The following ARHGAP25 variants were observed in gnomAD, a reference collection of about 807,000 sequenced individuals.
The protein encoded by ARHGAP25 is Rho GTPase activating protein 25.
A neutral mutation model predicts 71.0 loss-of-function variants in ARHGAP25; 34 were observed. The observed-to-expected ratio is 0.48, with a 90% CI of 0.36 to 0.64. ARHGAP25 has a LOEUF of 0.64. Ranked by LOEUF, ARHGAP25 falls within the 30% of genes least tolerant of loss-of-function variation. ARHGAP25 has a pLI of 0.00. For synonymous variants in ARHGAP25, 282 were observed against 296.5 expected (o/e 0.95, Z 0.50); for missense variants, 706 against 805.1 (o/e 0.88, Z 1.49).
chr2:68,742,062 C>T (rs567455873), intron 1 of ARHGAP25, among the ~76,000 whole-genome samples: 1 of 152,338 alleles, frequency 6.6e-6, no homozygotes, highest in Non-Finnish European at 1.5e-5. Flanking sequence ...ACCATCTATT[C>T]TCCTTAAGCT....
At position 68,813,394 on chromosome 2, in the gene ARHGAP25, A is replaced by G. The variant is rs778188813; in HGVS notation, c.782A>G (p.Gln261Arg). ...TACGAAGGGTTCCTGCTCTGTGGGC[A>G]GCTCACGAATGCGGATGAGGCAAAG... ...SQYEGFLLCG[Q>R]LTNADEAKAQ... The change falls in exon 6 of 11, where the codon CAG becomes CGG. Residue 261 changes from glutamine (Q) to arginine (R), a missense_variant. By Grantham distance (43) the Gln-to-Arg change is conservative. Transcript: ENST00000409202. 1 of 1,613,208 alleles carries G rather than the reference A, an allele frequency of 6.2e-7. No homozygotes were observed. Among genetic ancestry groups the G allele is most frequent in the Non-Finnish European group, 8.5e-7 (1 of 1,179,776 alleles).
rs1675154112 is a variant in ARHGAP25 at position 68,735,294 on chromosome 2, T to A, written c.61+34T>A. 2.5e-6 allele frequency: 4 copies of A among 1,597,276 alleles called. No homozygotes were observed. In the Admixed American group the frequency reaches 5.0e-5, roughly 20 times the overall value. The stretch of plus-strand genomic sequence containing the variant: ...GGTGTCTTTTCGTTGCCTCTGTGAT[T>A]CTTACGTATACTCGAGCACCATTTG... On this transcript the variant is annotated intron_variant, in intron 1 of 10. Transcript: ENST00000409202.
At chr2:68,766,302 A>G (rs953260845) in intron 1 of ARHGAP25, among the ~76,000 whole-genome samples, 5 of 152,232 alleles carry the variant, frequency 3.3e-5, no homozygotes, top group African/African-American at 1.2e-4. Context: ...ATATGCAGTT[A>G]ACCAGCTACA....
chr2:68,753,867 G>A (rs780840805), intron 1 of ARHGAP25, among the ~76,000 whole-genome samples: 46 of 151,760 alleles, frequency 3.0e-4, no homozygotes, highest in Non-Finnish European at 6.3e-4. Flanking sequence ...GTGAGCAAAT[G>A]AAAACAATGT....
chr2:68,803,181 T>A (rs972159472), intron 4 of ARHGAP25, among the ~76,000 whole-genome samples: 7 of 151,840 alleles, frequency 4.6e-5, no homozygotes, highest in Non-Finnish European at 7.4e-5. Context: ...AACGAGCAGG[T>A]GGAAGATGGA....
At chr2:68,718,248 C>A (rs148515750) in intron 2 of ARHGAP25, among the ~76,000 whole-genome samples, 1 of 152,276 alleles carries the variant, frequency 6.6e-6, no homozygotes, top group East Asian at 1.9e-4. Context: ...CCAGCAGCAT[C>A]ACATCACATT....
chr2:68,776,978 G>A (rs1677967964), intron 2 of ARHGAP25, among the ~76,000 whole-genome samples: 1 of 152,138 alleles, frequency 6.6e-6, no homozygotes, highest in African/African-American at 2.4e-5. Context: ...CTCCACTTAA[G>A]GGCTCTGAAC....
chr2:68,782,104 G>C, intron 2 of ARHGAP25, 129 bp from the exon 3 acceptor site: 1 of 780,458 alleles, frequency 1.3e-6, no homozygotes, highest in Non-Finnish European at 2.0e-6. Context: ...AAACTGGGAG[G>C]CTAGCTTCCC....
In ARHGAP25 at chr2:68,822,475, A is replaced by T; in HGVS notation, c.1336A>T (p.Asn446Tyr). ...QSRKRTQTLP[N>Y]RKCFLTSAFQ... Reference sequence around the variant, plus strand: ...TCGTAAAAGGACTCAAACACTCCCTAACCGGAAATGTTTCTTGACATCAGC... The same window carrying T: ...TCGTAAAAGGACTCAAACACTCCCTTACCGGAAATGTTTCTTGACATCAGC... The change falls in exon 10 of 11, where the codon AAC becomes TAC. Residue 446 changes from asparagine (N) to tyrosine (Y), a missense_variant. Coordinates refer to ENST00000409202, the MANE Select transcript of ARHGAP25 (RefSeq NM_001007231.3). The T allele has an allele frequency of 1.2e-6, 2 of 1,614,222 alleles. No homozygotes were observed. Among genetic ancestry groups the T allele is most frequent in the Non-Finnish European group, 1.7e-6 (2 of 1,180,034 alleles).
At chr2:68,739,660 C>T (rs901922991) in intron 1 of ARHGAP25, among the ~76,000 whole-genome samples, 3 of 152,138 alleles carry the variant, frequency 2.0e-5, no homozygotes, top group African/African-American at 7.2e-5. Flanking sequence ...AGCAAAGTCC[C>T]ACTGGTGGCC....
At chr2:68,802,819 G>A (rs894297322) in intron 4 of ARHGAP25, among the ~76,000 whole-genome samples, 4 of 151,474 alleles carry the variant, frequency 2.6e-5, no homozygotes, top group African/African-American at 9.7e-5. Flanking sequence ...AGAGAGAAAA[G>A]CAAATGTTGG....
intron 2 of ARHGAP25, among the ~76,000 whole-genome samples, chr2:68,722,599 G>T (rs1279074556): frequency 2.0e-5 from 3 of 148,928 alleles, no homozygotes; most frequent in African/African-American, 7.5e-5. Context: ...AAAAGAATTT[G>T]CTACATTCCA....
chr2:68,781,035 G>T (rs1678295440), intron 2 of ARHGAP25, among the ~76,000 whole-genome samples: 1 of 152,182 alleles, frequency 6.6e-6, no homozygotes, highest in African/African-American at 2.4e-5. Context: ...CATCTGCAAA[G>T]TGGCAGTGAT....
At chr2:68,729,204 C>G (rs984946393) in intron 2 of ARHGAP25, among the ~76,000 whole-genome samples, 3 of 152,160 alleles carry the variant, frequency 2.0e-5, no homozygotes, top group Non-Finnish European at 2.9e-5. Context: ...TCTGAATGTA[C>G]TAGATCACTG....
rs150871997 is a variant in ARHGAP25 at position 68,780,413 on chromosome 2, C to T, written c.262-1820C>T. Among the ~76,000 whole-genome samples, 469 of 152,306 alleles carry T rather than the reference C, an allele frequency of 3.1e-3. 2 individuals carry two copies. The highest frequency in any genetic ancestry group is 0.011 in the African/African-American group (454 of 41,568). ...AAGGCCTTTTATTCTGGTGCCATAA[C>T]TCATCCAAAGTAGCTCAGCAGCACA... On this transcript the variant is annotated intron_variant, in intron 2 of 10. Coordinates refer to ENST00000409202, the MANE Select transcript of ARHGAP25 (RefSeq NM_001007231.3).
At chr2:68,778,410 C>T (rs1395170000) in intron 2 of ARHGAP25, among the ~76,000 whole-genome samples, 1 of 151,742 alleles carries the variant, frequency 6.6e-6, no homozygotes, top group Non-Finnish European at 1.5e-5. Context: ...GAAAGACATA[C>T]ACAGAAGTAT....
intron 9 of ARHGAP25, among the ~76,000 whole-genome samples, chr2:68,820,607 G>A (rs763698440): frequency 3.9e-5 from 6 of 152,040 alleles, no homozygotes; most frequent in Non-Finnish European, 7.4e-5. Context: ...TTGTGTTTAG[G>A]TCTCATATTC....
intron 1 of ARHGAP25, among the ~76,000 whole-genome samples, chr2:68,766,577 G>A (rs1054099915): frequency 3.3e-5 from 5 of 152,152 alleles, no homozygotes; most frequent in African/African-American, 1.2e-4. Flanking sequence ...TGGAGGGGTG[G>A]CCCTGGAGAG....
chr2:68,800,873 A>G (rs13006106), intron 4 of ARHGAP25, among the ~76,000 whole-genome samples: 45,205 of 151,960 alleles, frequency 0.3, 7,750 homozygotes, highest in East Asian at 0.51. Flanking sequence ...TATTACATAT[A>G]TTATAATTAC....
Sources: gnomAD v4.1 joint callset for allele counts (sites outside exome capture counted in the v4.1 genomes callset) on GRCh38, gnomAD v4.1.1 for gene constraint, MANE v1.5 for transcripts, NCBI Gene and HGNC (gene_info 2026-07-23, HGNC 2026-07-21) for gene names.